The following LTBP1 variants were observed in gnomAD, a reference collection of about 807,000 sequenced individuals.
The protein encoded by LTBP1 is latent-transforming growth factor beta-binding protein 1.
In LTBP1, 129 loss-of-function variants were observed where a neutral mutation model predicts 207.6. The ratio of observed to expected loss-of-function variants is 0.62; its 90% confidence interval spans 0.54 to 0.72. LTBP1 has a LOEUF of 0.72. Among genes scored for constraint, LTBP1 ranks in the 30% least tolerant of loss-of-function variants. The pLI, the probability that LTBP1 is intolerant of heterozygous loss-of-function variation, is 0.00. For missense variants in LTBP1, 2,281 were observed against 2,217.2 expected, an observed-to-expected ratio of 1.03 and a Z score of -0.58; for synonymous variants, 963 against 833.7, an observed-to-expected ratio of 1.16 and a Z score of -2.67.
At chr2:33,236,937 A>G (rs994359356) in intron 9 of LTBP1, among the ~76,000 whole-genome samples, 3 of 152,150 alleles carry the variant, frequency 2.0e-5, no homozygotes, top group Non-Finnish European at 4.4e-5. Context: ...GAAGGAAAGG[A>G]GTTGCTGCCA....
chr2:33,357,190 C>G (rs1319649604), intron 26 of LTBP1, among the ~76,000 whole-genome samples: 1 of 152,062 alleles, frequency 6.6e-6, no homozygotes, highest in Non-Finnish European at 1.5e-5. Context: ...AGCAAATGGC[C>G]CACACCCTCT....
intron 33 of LTBP1, 116 bp downstream of exon 33, chr2:33,397,398 G>A: frequency 8.6e-7 from 1 of 1,156,550 alleles, no homozygotes; most frequent in Non-Finnish European, 1.3e-6. Flanking sequence ...GATGAGAAAA[G>A]TTCTGGAGAT....
chr2:33,275,407 A>G (rs1573559268), intron 17 of LTBP1, among the ~76,000 whole-genome samples: 1 of 152,202 alleles, frequency 6.6e-6, no homozygotes, highest in South Asian at 2.1e-4. Flanking sequence ...GTTACTGGCC[A>G]GGCGCCATGG....
intron 10 of LTBP1, 120 bp from the exon 11 acceptor site, chr2:33,252,557 A>G: frequency 1.1e-6 from 1 of 901,346 alleles, no homozygotes; most frequent in Non-Finnish European, 1.6e-6. Context: ...CTAAATCTAG[A>G]CAGATTTATC....
intron 3 of LTBP1, among the ~76,000 whole-genome samples, chr2:33,094,962 A>C (rs1274379989): frequency 6.6e-6 from 1 of 152,214 alleles, no homozygotes; most frequent in Admixed American, 6.5e-5. Flanking sequence ...TTCCAAATTT[A>C]TACACTATAT....
chr2:33,049,766 A>G (rs1163015302), intron 3 of LTBP1, among the ~76,000 whole-genome samples: 1 of 152,210 alleles, frequency 6.6e-6, no homozygotes, highest in African/African-American at 2.4e-5. Flanking sequence ...GAACTTTGAG[A>G]TTCTCTAATC....
At chr2:33,083,453 G>C (rs17397170) in intron 3 of LTBP1, among the ~76,000 whole-genome samples, 5,952 of 152,138 alleles carry the variant, frequency 0.039, 185 homozygotes, top group Non-Finnish European at 0.065. Context: ...AGGAAGCCTT[G>C]AGTGACCCTG....
intron 3 of LTBP1, among the ~76,000 whole-genome samples, chr2:33,025,456 T>C (rs2075370946): frequency 6.6e-6 from 1 of 152,076 alleles, no homozygotes; most frequent in South Asian, 2.1e-4. Context: ...AAAAAAGTAA[T>C]GGAAGGACGC....
intron 3 of LTBP1, among the ~76,000 whole-genome samples, chr2:33,055,341 G>A (rs374549312): frequency 6.6e-6 from 1 of 152,194 alleles, no homozygotes; most frequent in Non-Finnish European, 1.5e-5. Flanking sequence ...GAAGGCAGAA[G>A]AATTTTCTTC....
At chr2:33,096,953 C>T (rs114422181) in intron 3 of LTBP1, among the ~76,000 whole-genome samples, 256 of 152,162 alleles carry the variant, frequency 1.7e-3, no homozygotes, top group African/African-American at 5.9e-3. Flanking sequence ...TCTGAGAAGT[C>T]CTGCTCTGAT....
chr2:33,058,213 A>G (rs2077101506), intron 3 of LTBP1, among the ~76,000 whole-genome samples: 1 of 152,240 alleles, frequency 6.6e-6, no homozygotes, highest in Non-Finnish European at 1.5e-5. Flanking sequence ...ATTCATTAAT[A>G]TTTATAAAAG....
At chr2:32,967,993 T>A (rs549553165) in intron 2 of LTBP1, among the ~76,000 whole-genome samples, 111 of 152,130 alleles carry the variant, frequency 7.3e-4, no homozygotes, top group African/African-American at 1.9e-3. Context: ...TGTTTGTTTG[T>A]TTGTTTGTTT....
At chr2:33,240,728 C>T (rs575468730) in intron 9 of LTBP1, among the ~76,000 whole-genome samples, 2 of 148,106 alleles carry the variant, frequency 1.4e-5, no homozygotes, top group South Asian at 4.3e-4. Context: ...TCGGCTCACT[C>T]CAAGCTCCAC....
At chr2:33,318,145 CA>C (rs1045008847) in intron 24 of LTBP1, among the ~76,000 whole-genome samples, 10 of 151,998 alleles carry the variant, frequency 6.6e-5, no homozygotes, top group South Asian at 2.1e-4. Flanking sequence ...CACCACCCCC[CA>C]AAAAAAATCC....
intron 2 of LTBP1, among the ~76,000 whole-genome samples, chr2:32,985,060 A>C (rs1454325959): frequency 6.6e-6 from 1 of 152,272 alleles, no homozygotes; most frequent in East Asian, 1.9e-4. Flanking sequence ...GACTATCATT[A>C]GACTTATATT....
chr2:33,253,949 G>A (rs2092755851), intron 11 of LTBP1, among the ~76,000 whole-genome samples: 2 of 119,368 alleles, frequency 1.7e-5, no homozygotes, highest in South Asian at 5.9e-4. Context: ...GAGTGCAGTT[G>A]TGTGATCTTG....
intron 5 of LTBP1, among the ~76,000 whole-genome samples, chr2:33,156,606 A>G (rs774683902): frequency 7.2e-5 from 11 of 152,212 alleles, no homozygotes; most frequent in African/African-American, 2.2e-4. Flanking sequence ...ATGTCCATAT[A>G]TAAGTATTAT....
intron 24 of LTBP1, among the ~76,000 whole-genome samples, chr2:33,328,658 T>G (rs925208723): frequency 6.6e-6 from 1 of 152,182 alleles, no homozygotes; most frequent in Admixed American, 6.5e-5. Context: ...ATGATCCACT[T>G]GCCTCCACCT....
intron 5 of LTBP1, among the ~76,000 whole-genome samples, chr2:33,137,584 A>G (rs979609824): frequency 6.6e-6 from 1 of 152,224 alleles, no homozygotes; most frequent in African/African-American, 2.4e-5. Context: ...CTTGAGTGCC[A>G]TTCTCTAAGG....
Sources: allele counts gnomAD v4.1 joint callset (sites outside exome capture counted in the v4.1 genomes callset), GRCh38; gene constraint gnomAD v4.1.1; transcripts MANE v1.5; gene names NCBI Gene and HGNC (gene_info 2026-07-23, HGNC 2026-07-21).